Variants in COL4A6 observed in about 807,000 individuals in gnomAD.
COL4A6 encodes collagen alpha-6(IV) chain.
Under a neutral mutation model 126.7 loss-of-function variants are expected in COL4A6, and 59 were observed. The ratio of observed to expected loss-of-function variants is 0.47; its 90% CI spans 0.38 to 0.58. The LOEUF is 0.58. COL4A6 is among the 20% of genes least tolerant of loss of function. The pLI is 0.00. For missense variants in COL4A6, 1,285 were observed against 1,337.3 expected (o/e 0.96, Z 0.61); for synonymous variants, 547 against 496.6 (o/e 1.10, Z -1.35).
intron 13 of COL4A6, among the ~76,000 whole-genome samples, chrX:108,197,574 T>C (rs936176334): frequency 8.9e-6 from 1 of 111,815 alleles, no homozygotes; most frequent in African/African-American, 3.3e-5. Flanking sequence ...TAATGTGACC[T>C]GGCTCACCTG....
chrX:108,363,256 G>A (rs1257716115), intron 2 of COL4A6, among the ~76,000 whole-genome samples: 3 of 111,846 alleles, frequency 2.7e-5, no homozygotes, highest in Non-Finnish European at 5.6e-5. Context: ...CATTTCCTTT[G>A]AGCCTTGAAA....
chrX:108,394,604 T>C (rs1310064618), intron 2 of COL4A6, among the ~76,000 whole-genome samples: 2 of 111,669 alleles, frequency 1.8e-5, no homozygotes, highest in Non-Finnish European at 3.8e-5. Context: ...GTTAGTTCCT[T>C]GAAGGCAGGA....
At chrX:108,173,448 T>G (rs1421360370) in intron 31 of COL4A6, among the ~76,000 whole-genome samples, 1 of 103,894 alleles carries the variant, frequency 9.6e-6, no homozygotes, top group East Asian at 3.1e-4. Context: ...ACTATTTATT[T>G]TCAATTGCTT....
intron 2 of COL4A6, among the ~76,000 whole-genome samples, chrX:108,433,555 G>A (rs1408233426): frequency 9.5e-6 from 1 of 105,570 alleles, no homozygotes; most frequent in Admixed American, 1.0e-4. Flanking sequence ...ACAAGGTCTA[G>A]CTCTATTGCT....
intron 24 of COL4A6, 40 bp from the exon 25 acceptor site, chrX:108,180,662 C>T (rs2034656483): frequency 5.8e-6 from 6 of 1,042,290 alleles, no homozygotes; most frequent in Middle Eastern, 2.5e-4. Flanking sequence ...AAAGGAAAGT[C>T]GGTGTGCTAG....
chrX:108,285,672 C>T (rs1396325659), intron 3 of COL4A6, among the ~76,000 whole-genome samples: 1 of 111,245 alleles, frequency 9.0e-6, no homozygotes, highest in Non-Finnish European at 1.9e-5. Flanking sequence ...CAAAAACTGC[C>T]ATTTTTCAGC....
chrX:108,393,515 T>C (rs186731992), intron 2 of COL4A6, among the ~76,000 whole-genome samples: 1 of 111,911 alleles, frequency 8.9e-6, no homozygotes, highest in South Asian at 3.8e-4. Flanking sequence ...CCCACAGCTA[T>C]GGGATTTCTT....
At position 108,324,820 on chromosome X, in the gene COL4A6, T is replaced by G. The variant is rs2039114722; in HGVS notation, c.64-13992A>C. Among the ~76,000 whole-genome samples the G allele has an allele frequency of 2.7e-5, 3 of 110,902 alleles. No individual in the cohort carries two copies. In the South Asian group the frequency reaches 1.1e-3, roughly 42 times the overall value. The stretch of plus-strand genomic sequence containing the variant: ...GGAAAATTGAGTGCCTCATAGAAAA[T>G]CCATCCCTCATGACTAGGGGGAAAA... On this transcript the variant is annotated intron_variant, in intron 2 of 44. Coordinates refer to ENST00000334504, the MANE Select transcript of COL4A6 (RefSeq NM_033641.4).
At chrX:108,194,654 T>C (rs1412336972) in intron 15 of COL4A6, 67 bp from the exon 16 acceptor site, 1 of 1,058,338 alleles carries the variant, frequency 9.4e-7, no homozygotes, top group Non-Finnish European at 1.3e-6. Context: ...GGTCTTTGGA[T>C]TAAGCCAGGG....
intron 3 of COL4A6, among the ~76,000 whole-genome samples, chrX:108,270,913 A>T (rs963089033): frequency 1.9e-4 from 21 of 111,413 alleles, no homozygotes; most frequent in African/African-American, 6.8e-4. Context: ...CCTCATCTCA[A>T]AGCTATGGTT....
intron 3 of COL4A6, among the ~76,000 whole-genome samples, chrX:108,307,842 T>C (rs1388660398): frequency 9.0e-6 from 1 of 111,129 alleles, no homozygotes; most frequent in Admixed American, 9.5e-5. Context: ...CCTGGGAAGG[T>C]AGGAGGAAAG....
At position 108,170,827 on chromosome X, in the gene COL4A6, C is replaced by A; in HGVS notation, c.3368G>T (p.Gly1123Val). 8.3e-7 allele frequency: 1 copy of A among 1,212,019 alleles called. No individual in the cohort carries two copies. The highest frequency in any genetic ancestry group is 1.1e-6 in the Non-Finnish European group (1 of 895,325). ...CATGGTACCTGGAGCTCCAGGAAGG[C>A]CAACATCTCCAGAAACACCAACTTT... Reference protein sequence around the residue: ...DGKVGVSGDVGLPGAPGFPGV... With the variant: ...DGKVGVSGDVVLPGAPGFPGV... The change falls in exon 34 of 45, where the codon GGC (glycine) becomes GTC (valine). Residue 1123 changes from glycine to valine, a missense_variant. Transcript: ENST00000334504.
chrX:108,264,164 T>C lies in COL4A6; in HGVS notation c.145-42790A>G, dbSNP rs753393278. 7.2e-4 allele frequency among the ~76,000 whole-genome samples: 80 copies of C among 111,237 alleles called. 1 individual carries two copies. Among genetic ancestry groups the C allele is most frequent in the African/African-American group, 2.3e-3 (71 of 30,710 alleles). ...AGGTAAAAGCCGGAGGTGGGTGCAA[T>C]AGAGAGATCTATCATCTAGCTACCT... is the stretch of plus-strand genomic sequence containing the variant. On this transcript the variant is annotated intron_variant, in intron 3 of 44. Transcript: ENST00000334504.
chrX:108,383,610 A>T (rs2040612452), intron 2 of COL4A6: 1 of 532,112 alleles, frequency 1.9e-6, no homozygotes, highest in African/African-American at 2.3e-5. Context: ...CAGCTGAAGG[A>T]TGCCCCAAAA....
intron 2 of COL4A6, among the ~76,000 whole-genome samples, chrX:108,322,671 C>G (rs773990570): frequency 4.1e-4 from 46 of 112,099 alleles, no homozygotes; most frequent in Non-Finnish European, 7.3e-4. Context: ...ACAGAAGCCT[C>G]TTTTTCCTCT....
intron 2 of COL4A6, among the ~76,000 whole-genome samples, chrX:108,380,749 T>A: frequency 8.9e-6 from 1 of 112,027 alleles, no homozygotes; most frequent in Non-Finnish European, 1.9e-5. Flanking sequence ...GAAACTACAC[T>A]ATAAAGGGCT....
intron 3 of COL4A6, among the ~76,000 whole-genome samples, chrX:108,250,460 T>TA (rs1398320887): frequency 1.8e-5 from 2 of 111,255 alleles, no homozygotes; most frequent in Non-Finnish European, 3.8e-5. Context: ...TGTCATCACT[T>TA]AGATGATCTA....
intron 29 of COL4A6, 82 bp downstream of exon 29, chrX:108,175,572 A>G: frequency 9.6e-7 from 1 of 1,036,544 alleles, no homozygotes; most frequent in Middle Eastern, 2.6e-4. Context: ...GGTACAAACC[A>G]CAGGAATAAC....
intron 2 of COL4A6, among the ~76,000 whole-genome samples, chrX:108,372,013 T>C (rs1478649028): frequency 1.8e-5 from 2 of 111,073 alleles, no homozygotes; most frequent in Non-Finnish European, 3.8e-5. Context: ...AATCTCCATT[T>C]TGCTTCCCCT....
Sources: gnomAD v4.1 joint callset for allele counts (sites outside exome capture counted in the v4.1 genomes callset) on GRCh38, gnomAD v4.1.1 for gene constraint, MANE v1.5 for transcripts, NCBI Gene and HGNC (gene_info 2026-07-23, HGNC 2026-07-21) for gene names.